The following PRSS48 variants were observed in gnomAD, a reference collection of about 807,000 sequenced individuals.
PRSS48 encodes serine protease 48.
PRSS48 carries 21 observed loss-of-function variants against 25.6 expected under a neutral mutation model. The observed-to-expected ratio is 0.82, with a 90% confidence interval of 0.58 to 1.18. The LOEUF is 1.18. Among genes scored for constraint, PRSS48 ranks in the 50% most tolerant of loss-of-function variants. PRSS48 has a pLI of 0.00. For missense variants in PRSS48, 373 were observed against 399.3 expected (o/e 0.93, Z 0.56); for synonymous variants, 150 against 149.3 (o/e 1.00, Z -0.04).
At chr4:151,282,329 A>G (rs1182819278) in exon 3 of PRSS48, 3 of 1,613,868 alleles carry the variant, frequency 1.9e-6, no homozygotes, top group Non-Finnish European at 1.7e-6. Flanking sequence ...CATCCTGCCT[A>G]TTTGCTTGCC....
chr4:151,282,076 A>AGT, intron 2 of PRSS48, 72 bp from the exon 3 acceptor site: 1 of 1,497,944 alleles, frequency 6.7e-7, no homozygotes, highest in Non-Finnish European at 9.2e-7. Context: ...GTAGAGACTT[A>AGT]GTGCTACATA....
rs187824661 is a variant in PRSS48 at position 151,287,027 on chromosome 4, C to T, written c.651+3741C>T. Among the ~76,000 whole-genome samples, 8 of 147,838 alleles carry T rather than the reference C, an allele frequency of 5.4e-5. No individual in the cohort carries two copies. In the East Asian group the frequency reaches 1.6e-3, roughly 29 times the overall value. On this transcript the variant is annotated intron_variant, in intron 4 of 4. Coordinates refer to ENST00000455694, the Ensembl canonical transcript of PRSS48. Reference sequence around the variant, plus strand: ...ATAATAATAGTAATTAATACCAATTCTACACAAGTTCTTTTGAAAAATAAA... The same window carrying T: ...ATAATAATAGTAATTAATACCAATTTTACACAAGTTCTTTTGAAAAATAAA...
At chr4:151,278,640 T>G (rs1580385585) in intron 1 of PRSS48, among the ~76,000 whole-genome samples, 1 of 152,106 alleles carries the variant, frequency 6.6e-6, no homozygotes, top group East Asian at 1.9e-4. Context: ...ATTTTTTTCC[T>G]TTTCTTTTCA....
At chr4:151,278,325 G>T (rs914273836) in intron 1 of PRSS48, among the ~76,000 whole-genome samples, 1 of 151,814 alleles carries the variant, frequency 6.6e-6, no homozygotes, top group Admixed American at 6.6e-5. Context: ...TTAGAGTGCA[G>T]TGGTGCAATC....
At chr4:151,281,506 C>CTTGTAATCCCAGCACT (rs1774233636) in intron 2 of PRSS48, among the ~76,000 whole-genome samples, 1 of 151,918 alleles carries the variant, frequency 6.6e-6, no homozygotes, top group South Asian at 2.1e-4. Context: ...CAATCCTCAC[C>CTTGTAATCCCAGCACT]TTCCACACTA....
exon 1 of PRSS48, chr4:151,277,190 T>C (rs1773711498): frequency 4.0e-6 from 6 of 1,496,660 alleles, no homozygotes; most frequent in Non-Finnish European, 5.4e-6. Context: ...CTGCTGGCTG[T>C]GCCTTCACGC....
At chr4:151,282,075 T>C (rs760164225) in intron 2 of PRSS48, 73 bp from the exon 3 acceptor site, 211 of 1,498,870 alleles carry the variant, frequency 1.4e-4, no homozygotes, top group Non-Finnish European at 1.9e-4. Context: ...AGTAGAGACT[T>C]AGTGCTACAT....
intron 4 of PRSS48, among the ~76,000 whole-genome samples, chr4:151,290,742 C>A (rs551011977): frequency 2.6e-5 from 4 of 152,316 alleles, no homozygotes; most frequent in African/African-American, 7.2e-5. Flanking sequence ...CAACAACTAT[C>A]ACTATCATTT....
intron 4 of PRSS48, among the ~76,000 whole-genome samples, chr4:151,290,423 A>T (rs530686794): frequency 3.3e-5 from 5 of 152,306 alleles, no homozygotes; most frequent in South Asian, 2.1e-4. Flanking sequence ...GCTAACTGAA[A>T]CATGCCAGAC....
At chr4:151,279,670 G>C in intron 1 of PRSS48, 126 bp from the exon 2 acceptor site, 1 of 810,202 alleles carries the variant, frequency 1.2e-6, no homozygotes, top group Non-Finnish European at 2.0e-6. Flanking sequence ...AGAATAGGAT[G>C]GAGTATGGTG....
exon 3 of PRSS48, chr4:151,282,239 G>C: frequency 6.2e-7 from 1 of 1,613,882 alleles, no homozygotes; most frequent in Non-Finnish European, 8.5e-7. Context: ...GTCCAAAATC[G>C]TCATCCATCC....
chr4:151,282,134 T>G lies in PRSS48; in HGVS notation c.216-14T>G. On this transcript the variant is annotated splice_polypyrimidine_tract_variant and intron_variant, in intron 2 of 4. Coordinates refer to ENST00000455694, the Ensembl canonical transcript of PRSS48. ...CTGCAGGCCATAAGCAGGCCTCCTT[T>G]CTTTTCCCCATAGGACCTGGACTAC... The G allele has an allele frequency of 6.2e-7, 1 of 1,612,250 alleles. No individual in the cohort carries two copies. Among genetic ancestry groups the G allele is most frequent in the Non-Finnish European group, 8.5e-7 (1 of 1,178,582 alleles).
intron 1 of PRSS48, among the ~76,000 whole-genome samples, chr4:151,278,707 C>T (rs543460177): frequency 2.0e-5 from 3 of 152,072 alleles, no homozygotes; most frequent in South Asian, 2.1e-4. Flanking sequence ...CTAAACTCAC[C>T]GCATCCTCCA....
intron 1 of PRSS48, among the ~76,000 whole-genome samples, chr4:151,277,864 A>C (rs1227174956): frequency 2.0e-5 from 3 of 152,160 alleles, no homozygotes; most frequent in African/African-American, 4.8e-5. Context: ...AACATGGTGA[A>C]ACCCCATCTC....
At chr4:151,282,512 C>G (rs6849871) in intron 3 of PRSS48, 99 bp downstream of exon 3, 546,649 of 1,272,130 alleles carry the variant, frequency 0.43, 120,743 homozygotes, top group Non-Finnish European at 0.47. Flanking sequence ...AAATATTTTT[C>G]AACAAAACCA....
chr4:151,286,184 G>GAAAAAAAAAAA (rs56850648), intron 4 of PRSS48, among the ~76,000 whole-genome samples: 69 of 86,542 alleles, frequency 8.0e-4, no homozygotes, highest in Non-Finnish European at 1.0e-3. Flanking sequence ...CTGTCTTAAA[G>GAAAAAAAAAAA]AAAAAAAAAA....
Position 151,279,783 on chromosome 4 carries a change from TCTC to T in PRSS48, c.53-12_53-10del, listed in dbSNP as rs1774007552. The T allele has an allele frequency of 6.2e-7, 1 of 1,612,190 alleles. No individual in the cohort carries two copies. Among genetic ancestry groups the T allele is most frequent in the Non-Finnish European group, 8.5e-7 (1 of 1,179,022 alleles). ...CCTAGGTTTCCACATTTCCCTTTCTTCTCTTTCTCTAGTGTGTGGGCAACCTGT... is the reference window on the plus strand; with the variant it reads ...CCTAGGTTTCCACATTTCCCTTTCTTTTTCTCTAGTGTGTGGGCAACCTGT... On this transcript the variant is annotated splice_polypyrimidine_tract_variant and intron_variant, in intron 1 of 4. Transcript: ENST00000455694.
rs113584974 is a variant in PRSS48, at chr4:151,286,982, A to AAATAATAATAATAATAAT, written c.651+3707_651+3724dup. 9.9e-4 allele frequency among the ~76,000 whole-genome samples: 141 copies of AAATAATAATAATAATAAT among 141,834 alleles called. 2 individuals carry two copies. Among genetic ancestry groups the AAATAATAATAATAATAAT allele is most frequent in the African/African-American group, 3.5e-3 (135 of 38,236 alleles). 93.0% of individuals were successfully genotyped at this position (141,834 alleles called of 152,430 possible). ...GTGACAGAGTGAGATTCTGTCTCAA[A>AAATAATAATAATAATAAT]AATAATAATAATAATAATAATAATA... On this transcript the variant is annotated intron_variant, in intron 4 of 4. Coordinates refer to ENST00000455694, the Ensembl canonical transcript of PRSS48.
At chr4:151,291,506 G>A, downstream of PRSS48, 1 of 1,309,082 alleles carries the variant, frequency 7.6e-7, no homozygotes, top group Admixed American at 2.7e-5. Flanking sequence ...AATTTGAAAT[G>A]ATTTTGTTTT....
Sources: gnomAD v4.1 joint callset for allele counts (sites outside exome capture counted in the v4.1 genomes callset) on GRCh38, gnomAD v4.1.1 for gene constraint, MANE v1.5 for transcripts, NCBI Gene and HGNC (gene_info 2026-07-23, HGNC 2026-07-21) for gene names.